NLGN1: variants seen among roughly 807,000 people sequenced by gnomAD.
NLGN1 encodes neuroligin 1.
A neutral mutation model predicts 65.5 loss-of-function variants in NLGN1; 12 were observed. The observed-to-expected ratio is 0.18, with a 90% CI of 0.12 to 0.30. NLGN1 has a LOEUF of 0.30. Among genes scored for constraint, NLGN1 ranks in the 10% least tolerant of loss-of-function variants. The pLI is 1.00. For missense variants in NLGN1, 750 were observed against 1,007.1 expected (o/e 0.74, Z 3.46); for synonymous variants, 350 against 359.5 (o/e 0.97, Z 0.30).
chr3:173,888,891 C>T (rs543086907), intron 4 of NLGN1, among the ~76,000 whole-genome samples: 25 of 152,160 alleles, frequency 1.6e-4, no homozygotes, highest in African/African-American at 6.0e-4. Context: ...ATTGACAGCT[C>T]ACCATTTACA....
chr3:173,513,898 G>A (rs1458522746), intron 2 of NLGN1, among the ~76,000 whole-genome samples: 1 of 152,092 alleles, frequency 6.6e-6, no homozygotes, highest in Non-Finnish European at 1.5e-5. Context: ...TGTGGTGGTG[G>A]GCGCCTGTAA....
At chr3:173,866,206 T>A (rs1730128673) in intron 4 of NLGN1, among the ~76,000 whole-genome samples, 1 of 152,176 alleles carries the variant, frequency 6.6e-6, no homozygotes, top group Non-Finnish European at 1.5e-5. Context: ...TGAACATTTC[T>A]GATGTTAGGA....
intron 3 of NLGN1, among the ~76,000 whole-genome samples, chr3:173,622,531 T>C (rs2149509089): frequency 6.6e-6 from 1 of 152,078 alleles, no homozygotes; most frequent in East Asian, 1.9e-4. Context: ...CCAAATTGCT[T>C]TCCGATGCTG....
chr3:173,475,812 C>T (rs1431802855), intron 2 of NLGN1, among the ~76,000 whole-genome samples: 13 of 152,138 alleles, frequency 8.5e-5, no homozygotes, highest in Admixed American at 8.5e-4. Context: ...ATACTCTAAT[C>T]CTTGCATTTG....
chr3:173,474,964 A>C (rs899958198), intron 2 of NLGN1, among the ~76,000 whole-genome samples: 2 of 152,154 alleles, frequency 1.3e-5, no homozygotes, highest in African/African-American at 4.8e-5. Context: ...TCTCAAGGAA[A>C]AAAAAGAAAA....
intron 4 of NLGN1, among the ~76,000 whole-genome samples, chr3:173,979,823 G>A (rs1718359619): frequency 1.3e-5 from 2 of 152,030 alleles, no homozygotes; most frequent in African/African-American, 4.8e-5. Flanking sequence ...TAGATTGTGA[G>A]CCCCTAGAGC....
At chr3:173,829,360 A>C (rs1254153769) in intron 4 of NLGN1, among the ~76,000 whole-genome samples, 5 of 152,148 alleles carry the variant, frequency 3.3e-5, no homozygotes, top group Admixed American at 6.6e-5. Flanking sequence ...AGAAAAATCC[A>C]AAATCCAAAT....
intron 3 of NLGN1, among the ~76,000 whole-genome samples, chr3:173,755,353 T>A (rs942091772): frequency 7.9e-5 from 12 of 152,148 alleles, no homozygotes; most frequent in Non-Finnish European, 1.0e-4. Flanking sequence ...ATCTTTCTTA[T>A]TAATGAGTTT....
At chr3:174,244,936 G>T (rs1160390542) in intron 4 of NLGN1, among the ~76,000 whole-genome samples, 1 of 152,122 alleles carries the variant, frequency 6.6e-6, no homozygotes, top group Non-Finnish European at 1.5e-5. Flanking sequence ...AATGATTCTA[G>T]CCTCAATTAA....
At chr3:174,268,824 T>C (rs961421782) in intron 4 of NLGN1, among the ~76,000 whole-genome samples, 1 of 152,034 alleles carries the variant, frequency 6.6e-6, no homozygotes, top group East Asian at 1.9e-4. Context: ...AGCAACACAG[T>C]GTGTTATTTC....
intron 4 of NLGN1, among the ~76,000 whole-genome samples, chr3:174,240,822 G>C (rs1276984633): frequency 2.0e-5 from 3 of 152,148 alleles, no homozygotes; most frequent in Non-Finnish European, 2.9e-5. Flanking sequence ...TTCATTCTTT[G>C]TTTGATTCCA....
At chr3:173,558,958 A>G (rs1450196768) in intron 2 of NLGN1, among the ~76,000 whole-genome samples, 3 of 152,146 alleles carry the variant, frequency 2.0e-5, no homozygotes, top group Non-Finnish European at 4.4e-5. Context: ...GTTAAGATGT[A>G]GGAATCCTCG....
Position 173,795,906 on chromosome 3 carries a change from A to G in NLGN1, c.494-11774A>G, listed in dbSNP as rs144789785. ...GCTTTACAATCAGTTTACTTCAAAG[A>G]CTGCTGGGTCAAGAGGACAGGGGAA... On this transcript the variant is annotated intron_variant, in intron 3 of 6. Transcript: ENST00000457714. Among the ~76,000 whole-genome samples, 1,291 of 152,188 alleles carry G rather than the reference A, an allele frequency of 8.5e-3. 6 individuals carry two copies. Among genetic ancestry groups the G allele is most frequent in the Non-Finnish European group, 0.014 (941 of 67,998 alleles).
chr3:173,645,226 G>A (rs1369448033), intron 3 of NLGN1, among the ~76,000 whole-genome samples: 1 of 152,222 alleles, frequency 6.6e-6, no homozygotes, highest in Non-Finnish European at 1.5e-5. Context: ...CAGCCAGGAG[G>A]CTTCTTGGCA....
chr3:173,687,446 G>C (rs1764844599), intron 3 of NLGN1, among the ~76,000 whole-genome samples: 1 of 152,188 alleles, frequency 6.6e-6, no homozygotes, highest in Non-Finnish European at 1.5e-5. Flanking sequence ...AAGGCAGACA[G>C]ATACAGGTGT....
chr3:173,715,989 G>T (rs1275475084), intron 3 of NLGN1, among the ~76,000 whole-genome samples: 1 of 151,910 alleles, frequency 6.6e-6, no homozygotes, highest in East Asian at 1.9e-4. Flanking sequence ...AAATTATTTG[G>T]ATGATATTAA....
chr3:173,631,432 G>A (rs879874998), intron 3 of NLGN1, among the ~76,000 whole-genome samples: 6 of 152,080 alleles, frequency 3.9e-5, no homozygotes, highest in Non-Finnish European at 7.4e-5. Flanking sequence ...TGCACTTGGT[G>A]TGTGTGTATC....
intron 4 of NLGN1, among the ~76,000 whole-genome samples, chr3:174,059,512 T>C (rs1736933309): frequency 1.3e-5 from 2 of 152,136 alleles, no homozygotes; most frequent in Non-Finnish European, 2.9e-5. Flanking sequence ...CCAATTTCAC[T>C]CCCTATCAAA....
intron 3 of NLGN1, among the ~76,000 whole-genome samples, chr3:173,649,749 A>G (rs1560105908): frequency 6.6e-6 from 1 of 152,164 alleles, no homozygotes; most frequent in Admixed American, 6.5e-5. Context: ...TTACTAAAAG[A>G]ATATCATAAA....
Sources: gnomAD v4.1 joint callset for allele counts (sites outside exome capture counted in the v4.1 genomes callset) on GRCh38, gnomAD v4.1.1 for gene constraint, MANE v1.5 for transcripts, NCBI Gene and HGNC (gene_info 2026-07-23, HGNC 2026-07-21) for gene names.